SSBP2: variants seen among roughly 807,000 people sequenced by gnomAD.
SSBP2 encodes single-stranded DNA-binding protein 2.
A neutral mutation model predicts 61.8 loss-of-function variants in SSBP2; 17 were observed. The observed-to-expected ratio is 0.28, with a 90% CI of 0.19 to 0.41. The LOEUF (loss-of-function observed/expected upper bound fraction) is 0.41, where lower values mean the gene tolerates loss of function less well. SSBP2 is among the 10% of genes least tolerant of loss of function. The probability of loss-of-function intolerance (pLI) is 1.00; values close to 1 mark genes in which losing one functional copy is unlikely to be tolerated. For synonymous variants in SSBP2, 139 were observed against 141.3 expected (o/e 0.98, Z 0.12); for missense variants, 310 against 458.7 (o/e 0.68, Z 2.96).
intron 4 of SSBP2, among the ~76,000 whole-genome samples, chr5:81,605,741 G>A (rs897306973): frequency 1.3e-5 from 2 of 152,126 alleles, no homozygotes; most frequent in Admixed American, 6.5e-5. Context: ...TGAATGAAAA[G>A]CAAACCAGGC....
At chr5:81,589,152 T>C (rs1467177841) in intron 4 of SSBP2, among the ~76,000 whole-genome samples, 1 of 151,960 alleles carries the variant, frequency 6.6e-6, no homozygotes, top group Non-Finnish European at 1.5e-5. Context: ...AAAAACAAAA[T>C]GAAGGTCACG....
At chr5:81,585,274 ACTAC>A (rs1774974430) in intron 4 of SSBP2, among the ~76,000 whole-genome samples, 1 of 151,884 alleles carries the variant, frequency 6.6e-6, no homozygotes, top group Non-Finnish European at 1.5e-5. Context: ...CTCTCCTTAT[ACTAC>A]CTATCTTCAG....
At chr5:81,474,447 T>C (rs1381786511) in intron 7 of SSBP2, 49 bp downstream of exon 7, 1 of 1,508,702 alleles carries the variant, frequency 6.6e-7, no homozygotes, top group East Asian at 2.3e-5. Context: ...ATAAAAGATT[T>C]CCTCTATGGT....
chr5:81,488,257 G>A (rs937633481), intron 6 of SSBP2, among the ~76,000 whole-genome samples: 9 of 151,046 alleles, frequency 6.0e-5, no homozygotes, highest in African/African-American at 4.8e-5. Context: ...TTGCTGTATC[G>A]TATGGTAGTT....
chr5:81,509,615 G>A (rs934360985), intron 5 of SSBP2, among the ~76,000 whole-genome samples: 1 of 152,012 alleles, frequency 6.6e-6, no homozygotes, highest in African/African-American at 2.4e-5. Flanking sequence ...TTGGTACTTT[G>A]AGTTTTTTAA....
At chr5:81,682,486 T>TA (rs1036642847) in intron 1 of SSBP2, among the ~76,000 whole-genome samples, 18 of 152,272 alleles carry the variant, frequency 1.2e-4, no homozygotes, top group East Asian at 3.9e-4. Flanking sequence ...CCATTCATGA[T>TA]AAAAAACTCT....
chr5:81,441,326 G>C (rs1161711890), intron 13 of SSBP2, among the ~76,000 whole-genome samples: 1 of 152,046 alleles, frequency 6.6e-6, no homozygotes, highest in African/African-American at 2.4e-5. Flanking sequence ...TGCTATGATG[G>C]GGTTGGTGAT....
At chr5:81,469,710 A>G (rs1259461344) in intron 8 of SSBP2, among the ~76,000 whole-genome samples, 1 of 152,012 alleles carries the variant, frequency 6.6e-6, no homozygotes, top group Non-Finnish European at 1.5e-5. Flanking sequence ...GAAATGAATA[A>G]GAAATTTTTC....
At chr5:81,558,858 C>T (rs1581019741) in intron 4 of SSBP2, among the ~76,000 whole-genome samples, 1 of 152,170 alleles carries the variant, frequency 6.6e-6, no homozygotes, top group Non-Finnish European at 1.5e-5. Flanking sequence ...TATGGCTTGT[C>T]AGAATAGAAC....
chr5:81,495,971 A>G (rs1580834521), intron 5 of SSBP2, among the ~76,000 whole-genome samples: 1 of 152,310 alleles, frequency 6.6e-6, no homozygotes, highest in East Asian at 1.9e-4. Context: ...TAGAACAATC[A>G]ATGATGAAGA....
chr5:81,430,543 G>A (rs929785695), intron 15 of SSBP2, among the ~76,000 whole-genome samples: 7 of 152,228 alleles, frequency 4.6e-5, no homozygotes, highest in Admixed American at 3.3e-4. Flanking sequence ...TTATAATTCT[G>A]AAAGTCTGGC....
chr5:81,453,407 A>G (rs1763908153), intron 10 of SSBP2, among the ~76,000 whole-genome samples: 1 of 152,000 alleles, frequency 6.6e-6, no homozygotes, highest in Admixed American at 6.5e-5. Flanking sequence ...GATTTTTAAG[A>G]AGGAGGTAGC....
intron 1 of SSBP2, among the ~76,000 whole-genome samples, chr5:81,666,054 G>A (rs911082301): frequency 6.6e-6 from 1 of 152,146 alleles, no homozygotes; most frequent in Non-Finnish European, 1.5e-5. Flanking sequence ...CTTGCAACCT[G>A]CTGTTAAGGA....
chr5:81,430,161 C>T (rs944789961), intron 15 of SSBP2, among the ~76,000 whole-genome samples: 6 of 152,020 alleles, frequency 3.9e-5, no homozygotes, highest in African/African-American at 1.2e-4. Flanking sequence ...ATAAACTGTA[C>T]CTTGAAAACA....
intron 4 of SSBP2, among the ~76,000 whole-genome samples, chr5:81,602,577 C>G (rs978688490): frequency 4.6e-5 from 7 of 152,160 alleles, no homozygotes; most frequent in Non-Finnish European, 8.8e-5. Flanking sequence ...ATAGTTACAC[C>G]TTAGTTTCAT....
intron 5 of SSBP2, among the ~76,000 whole-genome samples, chr5:81,497,437 C>A (rs1215741498): frequency 6.6e-6 from 1 of 152,108 alleles, no homozygotes; most frequent in Admixed American, 6.5e-5. Context: ...GACTAAAAGC[C>A]CGCAAAAGAT....
chr5:81,513,378 G>T (rs1768765774), intron 5 of SSBP2, among the ~76,000 whole-genome samples: 1 of 151,956 alleles, frequency 6.6e-6, no homozygotes, highest in Admixed American at 6.5e-5. Flanking sequence ...GGGCTAATTT[G>T]TATTTCTCAA....
At chr5:81,450,320 C>T (rs982812766) in intron 10 of SSBP2, among the ~76,000 whole-genome samples, 2 of 152,148 alleles carry the variant, frequency 1.3e-5, no homozygotes, top group African/African-American at 4.8e-5. Flanking sequence ...CTGTGCTGGG[C>T]CTACTTCTCT....
chr5:81,627,104 G>A (rs990804908), intron 3 of SSBP2, among the ~76,000 whole-genome samples: 6 of 152,116 alleles, frequency 3.9e-5, no homozygotes, highest in South Asian at 2.1e-4. Context: ...CTAGTATAGC[G>A]AAATAAAAAG....
Sources: allele counts gnomAD v4.1 joint callset (sites outside exome capture counted in the v4.1 genomes callset), GRCh38; gene constraint gnomAD v4.1.1; transcripts MANE v1.5; gene names NCBI Gene and HGNC (gene_info 2026-07-23, HGNC 2026-07-21).